The following KDM1B variants were observed in gnomAD, a reference collection of about 807,000 sequenced individuals.
The protein encoded by KDM1B is lysine demethylase 1B, also known as lysine-specific histone demethylase 2.
KDM1B carries 63 observed loss-of-function variants against 107.4 expected under a neutral mutation model. The observed-to-expected ratio is 0.59, with a 90% CI of 0.48 to 0.72. The LOEUF (loss-of-function observed/expected upper bound fraction) is 0.72, where lower values mean the gene tolerates loss of function less well. Ranked by LOEUF, KDM1B falls within the 30% of genes least tolerant of loss-of-function variation. KDM1B has a pLI of 0.00. For missense variants in KDM1B, 749 were observed against 1,020.8 expected (o/e 0.73, Z 3.63); for synonymous variants, 363 against 363.9 (o/e 1.00, Z 0.03).
In KDM1B at chr6:18,186,472, C is replaced by G. The variant is rs887344966; in HGVS notation, c.573+662C>G. On this transcript the variant is annotated intron_variant, in intron 8 of 21. Transcript: ENST00000650836. The surrounding 1 kb of genome is among the most constrained non-coding windows in gnomAD (Gnocchi z 5.6). ...TTCAGTGATTCAGGATTGGATTGTTCTAGATGTCTGAAACTCAGGAACTAC... is the reference window on the plus strand; with the variant it reads ...TTCAGTGATTCAGGATTGGATTGTTGTAGATGTCTGAAACTCAGGAACTAC... 6.6e-6 allele frequency among the ~76,000 whole-genome samples: 1 copy of G among 152,096 alleles called. No homozygotes were observed. The highest frequency in any genetic ancestry group is 2.1e-4 in the South Asian group (1 of 4,824).
chr6:18,192,879 T>G (rs1787372801), intron 10 of KDM1B, among the ~76,000 whole-genome samples: 1 of 151,894 alleles, frequency 6.6e-6, no homozygotes, highest in South Asian at 2.1e-4. Context: ...TCTATTTTAG[T>G]TTTTCATAAG....
At chr6:18,180,513 T>C (rs1705819730) in intron 7 of KDM1B, among the ~76,000 whole-genome samples, 1 of 152,190 alleles carries the variant, frequency 6.6e-6, no homozygotes, top group African/African-American at 2.4e-5. Context: ...TTTTAAGATT[T>C]TGGATGATTT....
Position 18,197,269 on chromosome 6 carries a change from T to G in KDM1B, c.1146+36T>G. The stretch of plus-strand genomic sequence containing the variant: ...ATAGCTTTAGCGATAGCCTTGCCAT[T>G]GATCAGGACAAACGCTAGTCTGTTG... On this transcript the variant is annotated intron_variant, in intron 11 of 21. Coordinates refer to ENST00000650836, the MANE Select transcript of KDM1B (RefSeq NM_001364614.2). This position sits in a 1 kb window ranked among gnomAD's most constrained non-coding sequence, Gnocchi z 4.5. The G allele has an allele frequency of 6.3e-7, 1 of 1,577,024 alleles. No individual in the cohort carries two copies. The highest frequency in any genetic ancestry group is 8.7e-7 in the Non-Finnish European group (1 of 1,150,714).
rs566458736 is a variant in KDM1B, at chr6:18,211,009, G to GA, written c.1867-1472dup. 2.4e-4 allele frequency among the ~76,000 whole-genome samples: 36 copies of GA among 151,978 alleles called. 1 individual carries two copies. In the South Asian group the frequency reaches 5.4e-3, roughly 23 times the overall value. ...AGCAAGACCCTGTCTCTTTAAAGGGGAAAAAAATCTAGATTTTATTTATTT... is the reference window on the plus strand; with the variant it reads ...AGCAAGACCCTGTCTCTTTAAAGGGGAAAAAAAATCTAGATTTTATTTATTT... On this transcript the variant is annotated intron_variant, in intron 17 of 21. Transcript: ENST00000650836. This position sits in a 1 kb window ranked among gnomAD's most constrained non-coding sequence, Gnocchi z 5.2.
At chr6:18,180,602 A>G (rs1239642537) in intron 7 of KDM1B, among the ~76,000 whole-genome samples, 1 of 151,956 alleles carries the variant, frequency 6.6e-6, no homozygotes, top group African/African-American at 2.4e-5. Flanking sequence ...GTCTTGTTCT[A>G]TTGCCCAGGC....
chr6:18,197,564 CT>C lies in KDM1B; in HGVS notation c.1147-19del. On this transcript the variant is annotated intron_variant, in intron 11 of 21. Coordinates refer to ENST00000650836, the MANE Select transcript of KDM1B (RefSeq NM_001364614.2). The surrounding 1 kb of genome is among the most constrained non-coding windows in gnomAD (Gnocchi z 4.5). Reference sequence around the variant, plus strand: ...GTTGTTATCATCTGCTCTAATTGGACTTTTGTTTCTTTTCTTTTTAAGAAAT... The same window carrying C: ...GTTGTTATCATCTGCTCTAATTGGACTTTGTTTCTTTTCTTTTTAAGAAAT... 3 of 1,598,560 alleles carry C rather than the reference CT, an allele frequency of 1.9e-6. No homozygotes were observed. The highest frequency in any genetic ancestry group is 2.6e-6 in the Non-Finnish European group (3 of 1,166,392).
At chr6:18,185,882 G>T in intron 8 of KDM1B, 72 bp downstream of exon 8, 1 of 1,362,594 alleles carries the variant, frequency 7.3e-7, no homozygotes, top group Non-Finnish European at 1.0e-6. Context: ...GGAAATGATA[G>T]TAACAGCTTC....
Position 18,197,188 on chromosome 6 carries a change from C to T in KDM1B, c.1101C>T (p.Leu367=), listed in dbSNP as rs769651322. ...AAGGTCTCATCAACACTGGAGTTCT[C>T]AGCGTGGGAGCCGACCAGTATCTTC... The part of the protein sequence containing the change: ...TRKGLINTGV[L]SVGADQYLLP... Residue 367 remains leucine (L), a synonymous_variant, in exon 11 of 22, where the codon CTC becomes CTT. Transcript: ENST00000650836. The surrounding 1 kb of genome is among the most constrained non-coding windows in gnomAD (Gnocchi z 4.5). The T allele has an allele frequency of 5.6e-6, 9 of 1,614,136 alleles. No individual in the cohort carries two copies. In the South Asian group the frequency reaches 8.8e-5, roughly 16 times the overall value.
chr6:18,168,896 G>A (rs562132873), intron 6 of KDM1B, among the ~76,000 whole-genome samples: 47 of 152,186 alleles, frequency 3.1e-4, no homozygotes, highest in Non-Finnish European at 5.6e-4. Flanking sequence ...CTTTGAGATG[G>A]AGTCTTGCTC....
chr6:18,158,881 A>T (rs922196633), intron 2 of KDM1B, among the ~76,000 whole-genome samples: 1 of 152,220 alleles, frequency 6.6e-6, no homozygotes, highest in African/African-American at 2.4e-5. Flanking sequence ...CAGTGCTTCT[A>T]TCTAATTTAG....
At chr6:18,185,190 A>G (rs942011247) in intron 7 of KDM1B, among the ~76,000 whole-genome samples, 3 of 151,974 alleles carry the variant, frequency 2.0e-5, no homozygotes, top group Non-Finnish European at 4.4e-5. Context: ...ATGTCAAATG[A>G]TTGTGCATTT....
intron 17 of KDM1B, among the ~76,000 whole-genome samples, chr6:18,210,718 G>A (rs1202245000): frequency 6.6e-6 from 1 of 152,082 alleles, no homozygotes; most frequent in East Asian, 1.9e-4. Context: ...ATCTAGATTT[G>A]TGGGCGTGGG....
At position 18,205,537 on chromosome 6, in the gene KDM1B, A is replaced by G; in HGVS notation, c.1532A>G (p.Glu511Gly). Reference protein sequence around the residue: ...KTQLQDVPLGEKIEEIYKAFI... With the variant: ...KTQLQDVPLGGKIEEIYKAFI... ...CTGCTTTGATCCATTCCCATTACAG[A>G]AAAGATAGAAGAAATCTACAAGGCA... The change falls in exon 15 of 22, where the codon GAA becomes GGA. Residue 511 changes from glutamate to glycine, a missense_variant and splice_region_variant. Coordinates refer to ENST00000650836, the MANE Select transcript of KDM1B (RefSeq NM_001364614.2). This position sits in a 1 kb window ranked among gnomAD's most constrained non-coding sequence, Gnocchi z 5.7. The G allele has an allele frequency of 6.5e-7, 1 of 1,547,486 alleles. No individual in the cohort carries two copies. The highest frequency in any genetic ancestry group is 8.7e-7 in the Non-Finnish European group (1 of 1,145,332).
In KDM1B at chr6:18,205,430, T is replaced by C. The variant is rs189117944; in HGVS notation, c.1532-107T>C. On this transcript the variant is annotated intron_variant, in intron 14 of 21. Transcript: ENST00000650836. This position sits in a 1 kb window ranked among gnomAD's most constrained non-coding sequence, Gnocchi z 5.7. ...TCTGACTTTACTTGGGAAAAGACTT[T>C]GGAAGTTTTGGGTGTTGCTGGGTGA... 649 of 1,039,488 alleles carry C rather than the reference T, an allele frequency of 6.2e-4. 6 individuals carry two copies. In the South Asian group the frequency reaches 7.8e-3, roughly 12 times the overall value. The allele number at this position is 1,039,488 out of a possible 1,614,324, so 64.4% of individuals were successfully genotyped here. A position where few individuals can be genotyped will look rare whatever the true frequency, so the allele number is the denominator to read the frequency against.
In KDM1B at chr6:18,208,134, GC is replaced by G. The variant is rs1280002336; in HGVS notation, c.1795del (p.Gln599SerfsTer26). On this transcript the variant is annotated frameshift_variant, in exon 17 of 22. Coordinates refer to ENST00000650836, the MANE Select transcript of KDM1B (RefSeq NM_001364614.2). LOFTEE classifies it high-confidence loss of function. Reference protein sequence around the residue: ...GLDIQLKSPVQCIDYSGDEVQ... With the variant: ...GLDIQLKSPVXCIDYSGDEVQ... ...TTTCATAATTGCTTTTTGAGCAGGT[GC>G]AGTGTATTGATTATTCTGGAGATGA... 6.2e-7 allele frequency: 1 copy of G among 1,612,042 alleles called. No individual in the cohort carries two copies. The highest frequency in any genetic ancestry group is 1.3e-5 in the African/African-American group (1 of 74,978).
At chr6:18,169,972 C>T (rs1007047602) in intron 6 of KDM1B, among the ~76,000 whole-genome samples, 9 of 137,360 alleles carry the variant, frequency 6.6e-5, no homozygotes, top group Non-Finnish European at 1.1e-4. Flanking sequence ...TGCATTGGTA[C>T]GATCTCAGCT....
At position 18,213,550 on chromosome 6, in the gene KDM1B, G is replaced by T. The variant is rs1014287828; in HGVS notation, c.1984-106G>T. On this transcript the variant is annotated intron_variant, in intron 18 of 21. Transcript: ENST00000650836. This position sits in a 1 kb window ranked among gnomAD's most constrained non-coding sequence, Gnocchi z 5.9. ...GAGCGGTATTTGGGGTTGTTCTTTC[G>T]GGCAGTGTCTTTGTTTTAGAGTAGA... The T allele has an allele frequency of 4.4e-6, 5 of 1,126,372 alleles. No individual in the cohort carries two copies. The highest frequency in any genetic ancestry group is 2.4e-5 in the East Asian group (1 of 41,878). The allele number at this position is 1,126,372 out of a possible 1,614,324, so 69.8% of individuals were successfully genotyped here.
In KDM1B at chr6:18,223,755, T is replaced by C. The variant is rs1789976173; in HGVS notation, c.*1763T>C. The C allele has an allele frequency of 6.6e-6, 1 of 152,230 alleles. No homozygotes were observed. Among genetic ancestry groups the C allele is most frequent in the African/African-American group, 2.4e-5 (1 of 41,460 alleles). The allele number at this position is 152,230 out of a possible 1,614,324, so 9.4% of individuals were successfully genotyped here. A position where few individuals can be genotyped will look rare whatever the true frequency, so the allele number is the denominator to read the frequency against. On this transcript the variant is annotated 3_prime_UTR_variant, in exon 22 of 22. Transcript: ENST00000650836. ...TTTTCAATGCCATCTGAAGATTTTG[T>C]AATTGAGTAGCAGTAAATATACAGA...
rs150209902 is a variant in KDM1B, at chr6:18,168,703, A to G, written c.417+2325A>G. ...TTCCATAGTTCCTGTACCATTTTTCATTCCTGTCTGTAGCATATGAGGGTT... is the reference window on the plus strand; with the variant it reads ...TTCCATAGTTCCTGTACCATTTTTCGTTCCTGTCTGTAGCATATGAGGGTT... On this transcript the variant is annotated intron_variant, in intron 6 of 21. Transcript: ENST00000650836. 5.4e-3 allele frequency among the ~76,000 whole-genome samples: 828 copies of G among 152,244 alleles called. 8 individuals are homozygous for G. The highest frequency in any genetic ancestry group is 0.033 in the South Asian group (161 of 4,828).
Sources: gnomAD v4.1 joint callset for allele counts (sites outside exome capture counted in the v4.1 genomes callset) on GRCh38, gnomAD v4.1.1 for gene constraint, Gnocchi (gnomAD v3.1) non-coding constraint, MANE v1.5 for transcripts, NCBI Gene and HGNC (gene_info 2026-07-23, HGNC 2026-07-21) for gene names.